WIPI2: variants seen among roughly 807,000 people sequenced by gnomAD.
WIPI2 encodes the protein WD repeat domain, phosphoinositide interacting 2, also known as WD repeat domain phosphoinositide-interacting protein 2.
A neutral mutation model predicts 52.3 loss-of-function variants in WIPI2; 28 were observed. That is an observed-to-expected ratio of 0.54 (90% CI 0.40 to 0.73). The LOEUF (loss-of-function observed/expected upper bound fraction) is 0.73. Ranked by LOEUF, WIPI2 falls within the 30% of genes least tolerant of loss-of-function variation. The pLI is 0.00. For synonymous variants in WIPI2, 268 were observed against 245.0 expected (o/e 1.09, Z -0.88); for missense variants, 506 against 602.9 (o/e 0.84, Z 1.68).
chr7:5,229,615 G>T lies in WIPI2; in HGVS notation c.1129G>T (p.Gly377Cys). 6.2e-7 allele frequency: 1 copy of T among 1,613,100 alleles called. No individual in the cohort carries two copies. ...CALMKQHRLD[G>C]SLETTNEILD... is the part of the protein sequence containing the mutation. ...TCGCTTTCTTCCCTCCAGGCTGGAC[G>T]GCAGTCTGGAAACGACCAATGAGAT... Residue 377 changes from glycine to cysteine, a missense_variant, in exon 12 of 13, where the codon GGC becomes TGC. Gly to Cys is a radical substitution (Grantham distance 159). This residue lies in a region of WIPI2 where 194 missense variants were observed against 175.1 expected (regional missense o/e 1.11). Coordinates refer to ENST00000288828, the MANE Select transcript of WIPI2 (RefSeq NM_015610.4).
At chr7:5,197,146 A>C (rs866941458) in intron 2 of WIPI2, among the ~76,000 whole-genome samples, 14 of 148,744 alleles carry the variant, frequency 9.4e-5, no homozygotes, top group East Asian at 2.0e-4. Context: ...AAAAAAAAAA[A>C]CCATAAAATA....
chr7:5,196,523 C>A (rs1781749379), intron 2 of WIPI2, among the ~76,000 whole-genome samples: 1 of 152,120 alleles, frequency 6.6e-6, no homozygotes, highest in Non-Finnish European at 1.5e-5. Context: ...CCTAAATCAG[C>A]TTCCAAATAT....
At chr7:5,199,916 A>G (rs1276069457) in intron 3 of WIPI2, among the ~76,000 whole-genome samples, 2 of 152,198 alleles carry the variant, frequency 1.3e-5, no homozygotes, top group Admixed American at 6.5e-5. Context: ...ACATGAGCAC[A>G]TACCATGTGT....
chr7:5,211,446 T>C (rs1295200883), intron 3 of WIPI2, among the ~76,000 whole-genome samples: 1 of 152,208 alleles, frequency 6.6e-6, no homozygotes, highest in Non-Finnish European at 1.5e-5. Flanking sequence ...CACTCCAGCC[T>C]GGGCAACAAA....
rs919647202 is a variant in WIPI2, at chr7:5,190,354, G to A, written c.-66G>A. ...GAGCGGGGCCCGGCGCCGACCCTGA[G>A]TGCAGCCTGACCCGCCCTCGCGCGC... On this transcript the variant is annotated 5_prime_UTR_variant, in exon 1 of 13. The change creates a new upstream start codon in the 5' untranslated region. Coordinates refer to ENST00000288828, the MANE Select transcript of WIPI2 (RefSeq NM_015610.4). 8 of 1,195,640 alleles carry A rather than the reference G, an allele frequency of 6.7e-6. No individual in the cohort carries two copies. The Admixed American group carries it at 1.8e-4, about 26-fold the overall frequency. The allele number at this position is 1,195,640 out of a possible 1,614,324, so 74.1% of individuals were successfully genotyped here. A position where few individuals can be genotyped will look rare whatever the true frequency, so the allele number is the denominator to read the frequency against.
rs761492244 is a variant in WIPI2, at chr7:5,222,678, G to A, written c.740+6G>A. ...TTTCGGAGAGGAGTAAAGAGGTAAA[G>A]TACGTGAATGTCCAGAATGGATTCT... On this transcript the variant is annotated splice_donor_region_variant and intron_variant, in intron 8 of 12. Coordinates refer to ENST00000288828, the MANE Select transcript of WIPI2 (RefSeq NM_015610.4). 2.5e-6 allele frequency: 4 copies of A among 1,612,540 alleles called. No individual in the cohort carries two copies. The East Asian group carries it at 6.7e-5, about 27-fold the overall frequency.
At position 5,227,132 on chromosome 7, in the gene WIPI2, C is replaced by A. The variant is rs1356907111; in HGVS notation, c.849-48C>A. Reference sequence around the variant, plus strand: ...TCTGTGTGAGTAGGGGGTGGCCGTCCCCCCAGGGAGGGTGCAGCTTCATGT... The same window carrying A: ...TCTGTGTGAGTAGGGGGTGGCCGTCACCCCAGGGAGGGTGCAGCTTCATGT... On this transcript the variant is annotated intron_variant, in intron 9 of 12. Transcript: ENST00000288828. The surrounding 1 kb of genome is among the most constrained non-coding windows in gnomAD (Gnocchi z 8.1). The A allele has an allele frequency of 1.2e-6, 2 of 1,606,696 alleles. No individual in the cohort carries two copies. Among genetic ancestry groups the A allele is most frequent in the Non-Finnish European group, 8.5e-7 (1 of 1,176,378 alleles).
At chr7:5,229,466 A>C in intron 11 of WIPI2, 142 bp from the exon 12 acceptor site, 2 of 977,346 alleles carry the variant, frequency 2.0e-6, no homozygotes, top group Non-Finnish European at 2.9e-6. Context: ...GACGAGATTA[A>C]AGTTGCCACG....
chr7:5,230,819 C>A lies in WIPI2; in HGVS notation c.1253-16C>A. The A allele has an allele frequency of 2.5e-6, 4 of 1,606,292 alleles. No homozygotes were observed. The highest frequency in any genetic ancestry group is 3.4e-6 in the Non-Finnish European group (4 of 1,175,358). The stretch of plus-strand genomic sequence containing the variant: ...GTCCCCAGCCTTTGAAGGGTGACTT[C>A]GTCGTCTCTTTGCAGCCTACACAGA... On this transcript the variant is annotated splice_polypyrimidine_tract_variant and intron_variant, in intron 12 of 12. Transcript: ENST00000288828. The surrounding 1 kb of genome is among the most constrained non-coding windows in gnomAD (Gnocchi z 4.8).
chr7:5,232,186 G>A lies in WIPI2; in HGVS notation c.*1239G>A, dbSNP rs1018623113. ...GAATCTATGGAGTGGTGGAAGTTAC[G>A]GATAGAAGGGAAAAGGCAAAAACTA... On this transcript the variant is annotated 3_prime_UTR_variant, in exon 13 of 13. Coordinates refer to ENST00000288828, the MANE Select transcript of WIPI2 (RefSeq NM_015610.4). 9.3e-5 allele frequency: 37 copies of A among 398,660 alleles called. No individual in the cohort carries two copies. The highest frequency in any genetic ancestry group is 4.0e-4 in the Admixed American group (9 of 22,714). 24.7% of individuals were successfully genotyped at this position (398,660 alleles called of 1,614,324 possible).
At chr7:5,193,480 T>C in intron 2 of WIPI2, 1 of 538,778 alleles carries the variant, frequency 1.9e-6, no homozygotes, top group Non-Finnish European at 2.8e-6. Flanking sequence ...GAGAAACCTG[T>C]TGTTTTCTTC....
rs1437444047 is a variant in WIPI2 at position 5,227,321 on chromosome 7, C to G, written c.990C>G (p.His330Gln). 2 of 1,613,610 alleles carry G rather than the reference C, an allele frequency of 1.2e-6. No homozygotes were observed. The highest frequency in any genetic ancestry group is 1.7e-6 in the Non-Finnish European group (2 of 1,180,034). Residue 330 changes from histidine (H) to glutamine (Q), a missense_variant, in exon 10 of 13, where the codon CAC becomes CAG. This residue lies in a region of WIPI2 where 194 missense variants were observed against 175.1 expected (regional missense o/e 1.11). Transcript: ENST00000288828. This position sits in a 1 kb window ranked among gnomAD's most constrained non-coding sequence, Gnocchi z 8.1. ...FATVRLPFCG[H>Q]KNICSLATIQ... Reference sequence around the variant, plus strand: ...CGGTCCGCCTGCCATTCTGCGGCCACAAAAACATCTGCTCGCTAGCCACGT... The same window carrying G: ...CGGTCCGCCTGCCATTCTGCGGCCAGAAAAACATCTGCTCGCTAGCCACGT...
chr7:5,228,345 C>A, intron 11 of WIPI2, 134 bp downstream of exon 11: 1 of 831,418 alleles, frequency 1.2e-6, no homozygotes, highest in Non-Finnish European at 1.8e-6. Flanking sequence ...CGGCCCATGC[C>A]GCGCAGGTCG....
chr7:5,194,711 G>T lies in WIPI2; in HGVS notation c.128+1540G>T, dbSNP rs192201492. The stretch of plus-strand genomic sequence containing the variant: ...ACTGGTCTCAAACTCCTGGCTTCAA[G>T]TGATCCTCCCGCCTGGGTAGCTCAG... On this transcript the variant is annotated intron_variant, in intron 2 of 12. Coordinates refer to ENST00000288828, the MANE Select transcript of WIPI2 (RefSeq NM_015610.4). Among the ~76,000 whole-genome samples the T allele has an allele frequency of 5.5e-3, 845 of 152,276 alleles. 8 individuals carry two copies. Among genetic ancestry groups the T allele is most frequent in the African/African-American group, 0.02 (822 of 41,548 alleles).
intron 4 of WIPI2, 139 bp downstream of exon 4, chr7:5,214,843 A>C: frequency 1.0e-6 from 1 of 964,958 alleles, no homozygotes; most frequent in Non-Finnish European, 1.6e-6. Context: ...CCTTGCCTAC[A>C]GAGACCAGCT....
intron 2 of WIPI2, among the ~76,000 whole-genome samples, chr7:5,198,868 C>A (rs1781879429): frequency 6.6e-6 from 1 of 152,124 alleles, no homozygotes; most frequent in East Asian, 1.9e-4. Flanking sequence ...GAAGTGATCA[C>A]CAGTCCAGTT....
chr7:5,191,916 C>G (rs1781502100), intron 1 of WIPI2, among the ~76,000 whole-genome samples: 1 of 152,160 alleles, frequency 6.6e-6, no homozygotes, highest in Non-Finnish European at 1.5e-5. Flanking sequence ...ATCACCTCAT[C>G]CAACTACAGA....
rs1783731771 is a variant in WIPI2, at chr7:5,231,744, G to C, written c.*797G>C. ...ACTTCACTCTTCCTGTTGAAAAACT[G>C]TGTGATTTTTTTTTTTTTTTAAGTA... is the stretch of plus-strand genomic sequence containing the variant. On this transcript the variant is annotated 3_prime_UTR_variant, in exon 13 of 13. Coordinates refer to ENST00000288828, the MANE Select transcript of WIPI2 (RefSeq NM_015610.4). 7.0e-6 allele frequency: 1 copy of C among 142,708 alleles called. No individual in the cohort carries two copies. Among genetic ancestry groups the C allele is most frequent in the Non-Finnish European group, 1.5e-5 (1 of 68,022 alleles). The allele number at this position is 142,708 out of a possible 1,614,324, so 8.8% of individuals were successfully genotyped here.
In WIPI2 at chr7:5,232,547, G is replaced by A. The variant is rs1176950835; in HGVS notation, c.*1600G>A. The A allele has an allele frequency of 2.6e-5, 10 of 380,098 alleles. No homozygotes were observed. The highest frequency in any genetic ancestry group is 6.2e-5 in the African/African-American group (3 of 48,310). 23.5% of individuals were successfully genotyped at this position (380,098 alleles called of 1,614,324 possible). On this transcript the variant is annotated 3_prime_UTR_variant, in exon 13 of 13. Transcript: ENST00000288828. ...TGGACCTTTGATGAAATGGGATCCC[G>A]GTCACGCAGGCTGAGACAGTGGGGA... is the stretch of plus-strand genomic sequence containing the variant.
Sources: allele counts gnomAD v4.1 joint callset (sites outside exome capture counted in the v4.1 genomes callset), GRCh38; gene constraint gnomAD v4.1.1; regional missense constraint gnomAD v4.1.1; non-coding constraint Gnocchi (gnomAD v3.1); transcripts MANE v1.5; gene names NCBI Gene and HGNC (gene_info 2026-07-23, HGNC 2026-07-21).